ITGA4: variants seen among roughly 807,000 people sequenced by gnomAD.
The protein encoded by ITGA4 is integrin alpha-4.
Under a neutral mutation model 133.6 loss-of-function variants are expected in ITGA4, and 63 were observed. The ratio of observed to expected loss-of-function variants is 0.47; its 90% CI spans 0.38 to 0.58. ITGA4 has a LOEUF of 0.58. Among genes scored for constraint, ITGA4 ranks in the 20% least tolerant of loss-of-function variants. The probability of loss-of-function intolerance (pLI) is 0.00; values close to 1 mark genes in which losing one functional copy is unlikely to be tolerated. For missense variants in ITGA4, 1,076 were observed against 1,252.7 expected (o/e 0.86, Z 2.13); for synonymous variants, 483 against 438.0 (o/e 1.10, Z -1.28).
intron 9 of ITGA4, among the ~76,000 whole-genome samples, chr2:181,483,965 C>G (rs1685860296): frequency 6.6e-6 from 1 of 152,160 alleles, no homozygotes; most frequent in Non-Finnish European, 1.5e-5. Flanking sequence ...TCATGCCTAC[C>G]CTGAGGCACT....
At chr2:181,469,820 A>T (rs1248199954) in intron 2 of ITGA4, among the ~76,000 whole-genome samples, 1 of 152,122 alleles carries the variant, frequency 6.6e-6, no homozygotes, top group Non-Finnish European at 1.5e-5. Context: ...CAAGAACAAA[A>T]AACCAAACAC....
chr2:181,522,271 A>G lies in ITGA4; in HGVS notation c.2003A>G (p.Asp668Gly). ...MLNVSLFNAG[D>G]DAYETTLHVK... ...AATGTGTCCTTGTTTAATGCTGGAGATGATGCATATGAAACGACTCTACAT... is the reference window on the plus strand; with the variant it reads ...AATGTGTCCTTGTTTAATGCTGGAGGTGATGCATATGAAACGACTCTACAT... The change falls in exon 18 of 28, where the codon GAT (aspartate) becomes GGT (glycine). Residue 668 changes from aspartate to glycine, a missense_variant. Asp to Gly is a moderately conservative substitution (Grantham distance 94, BLOSUM62 -1). Transcript: ENST00000397033. The G allele has an allele frequency of 6.7e-7, 1 of 1,496,004 alleles. No homozygotes were observed. Among genetic ancestry groups the G allele is most frequent in the Non-Finnish European group, 9.2e-7 (1 of 1,088,210 alleles). The allele number at this position is 1,496,004 out of a possible 1,614,324, so 92.7% of individuals were successfully genotyped here.
rs1205437684 is a variant in ITGA4 at position 181,537,481 on chromosome 2, G to A, written c.*1954G>A. On this transcript the variant is annotated 3_prime_UTR_variant, in exon 28 of 28. Coordinates refer to ENST00000397033, the MANE Select transcript of ITGA4 (RefSeq NM_000885.6). ...CCTACCACTTTAAGAAGACAGGGAT[G>A]GGTTATTCTTTTTTGGCAGGTAGGC... is the stretch of plus-strand genomic sequence containing the variant. 1 of 452,654 alleles carries A rather than the reference G, an allele frequency of 2.2e-6. No homozygotes were observed. The highest frequency in any genetic ancestry group is 4.4e-6 in the Non-Finnish European group (1 of 226,244). The allele number at this position is 452,654 out of a possible 1,614,324, so 28.0% of individuals were successfully genotyped here.
chr2:181,538,249 A>T lies in ITGA4; in HGVS notation c.*2722A>T, dbSNP rs371788033. On this transcript the variant is annotated 3_prime_UTR_variant, in exon 28 of 28. Coordinates refer to ENST00000397033, the MANE Select transcript of ITGA4 (RefSeq NM_000885.6). ...CTGATAAGTCTTGGATGCAATCTGT[A>T]AAGAAAATACATTATTTCATCAACT... 3.9e-6 allele frequency: 6 copies of T among 1,549,608 alleles called. No individual in the cohort carries two copies. Among genetic ancestry groups the T allele is most frequent in the African/African-American group, 1.4e-5 (1 of 73,696 alleles).
At chr2:181,458,023 G>A (rs149825984) in intron 1 of ITGA4, among the ~76,000 whole-genome samples, 172 bp downstream of exon 1, 262 of 152,324 alleles carry the variant, frequency 1.7e-3, no homozygotes, top group Non-Finnish European at 3.2e-3. Context: ...ATCTTGGGGC[G>A]GCAGCGCCCC....
At chr2:181,512,960 T>A (rs1262925228) in intron 17 of ITGA4, among the ~76,000 whole-genome samples, 2 of 152,114 alleles carry the variant, frequency 1.3e-5, no homozygotes, top group African/African-American at 4.8e-5. Flanking sequence ...GAGGGAGACA[T>A]CTTCAACTTA....
At chr2:181,535,371 G>A (rs1687040562) in intron 27 of ITGA4, 61 bp from the exon 28 acceptor site, 1 of 1,277,356 alleles carries the variant, frequency 7.8e-7, no homozygotes, top group Non-Finnish European at 1.1e-6. Context: ...TTAGAAATGA[G>A]TATAGTAGAT....
At chr2:181,470,146 T>C (rs711801) in intron 2 of ITGA4, among the ~76,000 whole-genome samples, 23,089 of 151,976 alleles carry the variant, frequency 0.15, 1,964 homozygotes, top group East Asian at 0.23. Context: ...AAAGTAAGTA[T>C]AACTATAATG....
chr2:181,538,137 T>TTAG lies in ITGA4; in HGVS notation c.*2610_*2611insTAG. 7.8e-7 allele frequency: 1 copy of TTAG among 1,287,006 alleles called. No homozygotes were observed. The allele number at this position is 1,287,006 out of a possible 1,614,324, so 79.7% of individuals were successfully genotyped here. A position where few individuals can be genotyped will look rare whatever the true frequency, so the allele number is the denominator to read the frequency against. On this transcript the variant is annotated 3_prime_UTR_variant, in exon 28 of 28. Coordinates refer to ENST00000397033, the MANE Select transcript of ITGA4 (RefSeq NM_000885.6). Reference sequence around the variant, plus strand: ...GGTTTAAAGCATGGCCACATTTCTTTATATTAAAATTCTAGTTTGTACATT... The same window carrying TTAG: ...GGTTTAAAGCATGGCCACATTTCTTTTAGATATTAAAATTCTAGTTTGTACATT...
rs145010184 is a variant in ITGA4, at chr2:181,482,363, T to C, written c.844T>C (p.Tyr282His). The change falls in exon 8 of 28, where the codon TAT (tyrosine) becomes CAT (histidine). Residue 282 changes from tyrosine (Y) to histidine (H), a missense_variant. Tyr to His is a moderately conservative substitution (Grantham distance 83). Transcript: ENST00000397033. ...CTAATTCTTTCCCTAATTACAGGCA[T>C]ATATATTCAGCATTGATGAAAAAGA... ...APQHEQIGKA[Y>H]IFSIDEKELN... The C allele has an allele frequency of 1.2e-6, 2 of 1,610,584 alleles. No individual in the cohort carries two copies. Among genetic ancestry groups the C allele is most frequent in the Non-Finnish European group, 1.7e-6 (2 of 1,178,138 alleles).
chr2:181,524,902 A>G (rs1417094784), intron 20 of ITGA4, among the ~76,000 whole-genome samples: 1 of 152,090 alleles, frequency 6.6e-6, no homozygotes, highest in Non-Finnish European at 1.5e-5. Context: ...TGGTTTTTGT[A>G]CCACCTAGAA....
At chr2:181,505,553 A>C (rs981467366) in intron 15 of ITGA4, among the ~76,000 whole-genome samples, 16 of 152,102 alleles carry the variant, frequency 1.1e-4, no homozygotes, top group African/African-American at 3.9e-4. Context: ...TAAAATGTAA[A>C]CAAATCTACT....
chr2:181,465,051 C>T (rs967822589), intron 2 of ITGA4, among the ~76,000 whole-genome samples: 1 of 152,058 alleles, frequency 6.6e-6, no homozygotes, highest in Non-Finnish European at 1.5e-5. Flanking sequence ...TATGGGACTC[C>T]TTGTGTGCAG....
At chr2:181,475,492 AC>A (rs1309026334) in intron 4 of ITGA4, among the ~76,000 whole-genome samples, 3 of 152,186 alleles carry the variant, frequency 2.0e-5, no homozygotes, top group Non-Finnish European at 2.9e-5. Flanking sequence ...TAAAAATTCT[AC>A]AATTTGAATA....
chr2:181,516,334 A>T lies in ITGA4; in HGVS notation c.1922+4559A>T, dbSNP rs1686607064. On this transcript the variant is annotated intron_variant, in intron 17 of 27. Transcript: ENST00000397033. The surrounding 1 kb of genome is among the most constrained non-coding windows in gnomAD (Gnocchi z 4.0). ...ACTAATAGTGACTTAAACAATAAAG[A>T]TATTATTTCGCATAATAAGCAGTCT... Among the ~76,000 whole-genome samples, 1 of 152,080 alleles carries T rather than the reference A, an allele frequency of 6.6e-6. No individual in the cohort carries two copies.
chr2:181,489,879 C>T (rs1420578001), intron 10 of ITGA4, among the ~76,000 whole-genome samples: 3 of 152,088 alleles, frequency 2.0e-5, no homozygotes, highest in South Asian at 2.1e-4. Context: ...CTTCGGACGC[C>T]GAGTTAAAGA....
intron 17 of ITGA4, among the ~76,000 whole-genome samples, chr2:181,514,423 A>T (rs1350025199): frequency 1.3e-5 from 2 of 152,086 alleles, no homozygotes; most frequent in African/African-American, 4.8e-5. Flanking sequence ...AGGGCCAAAA[A>T]GCCTTGACCT....
rs1687139945 is a variant in ITGA4 at position 181,536,864 on chromosome 2, T to TTTTGAACATCTGTTA, written c.*1339_*1353dup. ...CCTTCATAAGAGAGCTGTGGCCGAA[T>TTTTGAACATCTGTTA]TTTGAACATCTGTTATAGGGAGTGA... On this transcript the variant is annotated 3_prime_UTR_variant, in exon 28 of 28. Coordinates refer to ENST00000397033, the MANE Select transcript of ITGA4 (RefSeq NM_000885.6). The TTTTGAACATCTGTTA allele has an allele frequency of 2.3e-6, 1 of 432,888 alleles. No homozygotes were observed. Among genetic ancestry groups the TTTTGAACATCTGTTA allele is most frequent in the Non-Finnish European group, 4.6e-6 (1 of 217,000 alleles). The allele number at this position is 432,888 out of a possible 1,614,324, so 26.8% of individuals were successfully genotyped here.
chr2:181,506,909 G>C (rs552788501), intron 15 of ITGA4, among the ~76,000 whole-genome samples: 7 of 152,022 alleles, frequency 4.6e-5, no homozygotes, highest in Non-Finnish European at 7.4e-5. Flanking sequence ...CAGTGTCATG[G>C]GTCTACCTTG....
Sources: gnomAD v4.1 joint callset for allele counts (sites outside exome capture counted in the v4.1 genomes callset) on GRCh38, gnomAD v4.1.1 for gene constraint, Gnocchi (gnomAD v3.1) non-coding constraint, MANE v1.5 for transcripts, NCBI Gene and HGNC (gene_info 2026-07-23, HGNC 2026-07-21) for gene names.